The following PRKG1 variants were observed in gnomAD, a reference collection of about 807,000 sequenced individuals.
PRKG1 encodes the protein cGMP-dependent protein kinase 1.
In PRKG1, 35 loss-of-function variants were observed where a neutral mutation model predicts 88.1. The ratio of observed to expected loss-of-function variants is 0.40; its 90% CI spans 0.30 to 0.53. The LOEUF (loss-of-function observed/expected upper bound fraction) is 0.53, where lower values mean the gene tolerates loss of function less well. Among genes scored for constraint, PRKG1 ranks in the 20% least tolerant of loss-of-function variants. The pLI is 0.59. For synonymous variants in PRKG1, 303 were observed against 292.5 expected (o/e 1.04, Z -0.37); for missense variants, 540 against 839.8 (o/e 0.64, Z 4.41).
chr10:51,743,067 A>G (rs1481251584), intron 3 of PRKG1, among the ~76,000 whole-genome samples: 1 of 151,958 alleles, frequency 6.6e-6, no homozygotes, highest in Non-Finnish European at 1.5e-5. Context: ...AGAGAGAGAG[A>G]GAAAGGAAGG....
chr10:52,155,846 AT>A (rs1317776852), intron 8 of PRKG1, among the ~76,000 whole-genome samples: 18 of 151,940 alleles, frequency 1.2e-4, no homozygotes, highest in Non-Finnish European at 2.5e-4. Context: ...GAAAAGACTG[AT>A]TTATATGGAC....
At position 51,997,396 on chromosome 10, in the gene PRKG1, G is replaced by A. The variant is rs561743883; in HGVS notation, c.763-57088G>A. Among the ~76,000 whole-genome samples, 199 of 151,290 alleles carry A rather than the reference G, an allele frequency of 1.3e-3. 1 individual carries two copies. The highest frequency in any genetic ancestry group is 4.4e-3 in the African/African-American group (180 of 41,218). ...TGAGGCACAAGAATCATTTGAACCC[G>A]GGAGGCGGAGGTTGCAGTGAGCCGA... On this transcript the variant is annotated intron_variant, in intron 5 of 17. Transcript: ENST00000373980.
chr10:51,898,250 C>T (rs747598649), intron 4 of PRKG1, among the ~76,000 whole-genome samples: 31 of 152,124 alleles, frequency 2.0e-4, no homozygotes, highest in Non-Finnish European at 3.8e-4. Flanking sequence ...ACTTGCCCCT[C>T]TTTCCATTGT....
At chr10:51,850,830 T>A (rs1289434328) in intron 4 of PRKG1, among the ~76,000 whole-genome samples, 1 of 152,210 alleles carries the variant, frequency 6.6e-6, no homozygotes, top group Non-Finnish European at 1.5e-5. Context: ...TATGACAACA[T>A]ACTCTTTGAC....
intron 5 of PRKG1, among the ~76,000 whole-genome samples, chr10:51,952,105 CT>C (rs1843199118): frequency 6.6e-6 from 1 of 152,128 alleles, no homozygotes; most frequent in Non-Finnish European, 1.5e-5. Context: ...CTATCTGGCT[CT>C]TTACAGAAAA....
chr10:51,027,074 G>A (rs751208034), intron 1 of PRKG1, among the ~76,000 whole-genome samples: 90 of 152,122 alleles, frequency 5.9e-4, no homozygotes, highest in Non-Finnish European at 4.6e-4. Context: ...GAAATGTGAG[G>A]CTCCTTGTTA....
intron 5 of PRKG1, among the ~76,000 whole-genome samples, chr10:52,047,789 T>A (rs561956825): frequency 1.3e-5 from 2 of 152,168 alleles, no homozygotes; most frequent in East Asian, 3.8e-4. Flanking sequence ...AGGAACTGAC[T>A]GATTTTGGCC....
At position 51,743,716 on chromosome 10, in the gene PRKG1, A is replaced by AT. The variant is rs1256947161; in HGVS notation, c.593-60868dup. ...TATATATATAATATAAACTAAATATATATATATATAATATAAACTAAATAT... is the reference window on the plus strand; with the variant it reads ...TATATATATAATATAAACTAAATATATTATATATATAATATAAACTAAATAT... On this transcript the variant is annotated intron_variant, in intron 3 of 17. Transcript: ENST00000373980. Among the ~76,000 whole-genome samples the AT allele has an allele frequency of 5.3e-3, 518 of 98,528 alleles. 6 individuals are homozygous for AT. The highest frequency in any genetic ancestry group is 0.022 in the African/African-American group (497 of 22,868). 64.6% of individuals were successfully genotyped at this position (98,528 alleles called of 152,430 possible).
intron 3 of PRKG1, among the ~76,000 whole-genome samples, chr10:51,781,290 T>C (rs1039583977): frequency 6.6e-6 from 1 of 152,162 alleles, no homozygotes; most frequent in Non-Finnish European, 1.5e-5. Context: ...CATGTGTATT[T>C]ATACTCATGA....
chr10:51,855,768 C>T (rs892323548), intron 4 of PRKG1, among the ~76,000 whole-genome samples: 1 of 152,148 alleles, frequency 6.6e-6, no homozygotes, highest in Admixed American at 6.6e-5. Context: ...AAGTAAATTC[C>T]TGTCAGTTTT....
In PRKG1 at chr10:51,465,259, T is replaced by TA. The variant is rs149913397; in HGVS notation, c.479-2455dup. ...AATAGTCCTGATGTTCCTCCTTCTT[T>TA]AAAAAAAAACTCCAAAACTGTCTGG... is the stretch of plus-strand genomic sequence containing the variant. On this transcript the variant is annotated intron_variant, in intron 2 of 17. Coordinates refer to ENST00000373980, the MANE Select transcript of PRKG1 (RefSeq NM_006258.4). Among the ~76,000 whole-genome samples the TA allele has an allele frequency of 5.5e-3, 836 of 151,476 alleles. 7 individuals carry two copies. The highest frequency in any genetic ancestry group is 0.019 in the African/African-American group (792 of 41,334).
chr10:51,426,983 G>T (rs1255530818), intron 2 of PRKG1, among the ~76,000 whole-genome samples: 2 of 152,002 alleles, frequency 1.3e-5, no homozygotes, highest in Non-Finnish European at 2.9e-5. Flanking sequence ...GGTTTGTCTG[G>T]TTGGTTGGTT....
At chr10:51,434,184 T>G (rs571774046) in intron 2 of PRKG1, among the ~76,000 whole-genome samples, 319 of 152,226 alleles carry the variant, frequency 2.1e-3, no homozygotes, top group Non-Finnish European at 2.3e-3. Flanking sequence ...AGTGTGTTTT[T>G]GGGTTACTTA....
At chr10:51,257,563 T>C (rs945362315) in intron 2 of PRKG1, among the ~76,000 whole-genome samples, 1 of 152,182 alleles carries the variant, frequency 6.6e-6, no homozygotes, top group African/African-American at 2.4e-5. Flanking sequence ...TGGATCAATA[T>C]ACTTACAGGG....
At chr10:51,954,840 A>G (rs2133059330) in intron 5 of PRKG1, among the ~76,000 whole-genome samples, 1 of 152,304 alleles carries the variant, frequency 6.6e-6, no homozygotes. Context: ...AGAAAATTCT[A>G]AATTTACAAA....
intron 2 of PRKG1, among the ~76,000 whole-genome samples, chr10:51,311,707 C>G (rs1374987588): frequency 6.6e-6 from 1 of 152,152 alleles, no homozygotes; most frequent in East Asian, 1.9e-4. Flanking sequence ...TTTTATTTCA[C>G]CATCTGTGTT....
intron 3 of PRKG1, among the ~76,000 whole-genome samples, chr10:51,528,571 CAAA>C (rs11337114): frequency 2.1e-5 from 3 of 140,814 alleles, no homozygotes; most frequent in Admixed American, 7.1e-5. Flanking sequence ...TTCAGTACAG[CAAA>C]AAAAAAAAAC....
chr10:51,725,794 T>C (rs1334563233), intron 3 of PRKG1, among the ~76,000 whole-genome samples: 3 of 151,936 alleles, frequency 2.0e-5, no homozygotes, highest in Non-Finnish European at 4.4e-5. Flanking sequence ...CCACCATGCC[T>C]GGCTAATTTT....
chr10:52,010,543 A>G (rs1014914815), intron 5 of PRKG1, among the ~76,000 whole-genome samples: 2 of 152,172 alleles, frequency 1.3e-5, no homozygotes, highest in African/African-American at 4.8e-5. Flanking sequence ...GATCTTTCAT[A>G]TTTCAAACTT....
Sources: gnomAD v4.1 joint callset for allele counts (sites outside exome capture counted in the v4.1 genomes callset) on GRCh38, gnomAD v4.1.1 for gene constraint, MANE v1.5 for transcripts, NCBI Gene and HGNC (gene_info 2026-07-23, HGNC 2026-07-21) for gene names.